Variants in PTPRQ observed in about 807,000 individuals in gnomAD.
PTPRQ encodes protein tyrosine phosphatase receptor type Q.
Under a neutral mutation model 246.0 loss-of-function variants are expected in PTPRQ, and 199 were observed. The ratio of observed to expected loss-of-function variants is 0.81; its 90% CI spans 0.72 to 0.91. The LOEUF (loss-of-function observed/expected upper bound fraction) is 0.91, where lower values mean the gene tolerates loss of function less well. PTPRQ is among the 40% of genes least tolerant of loss of function. The pLI is 0.00. For missense variants in PTPRQ, 2,624 were observed against 2,528.4 expected (o/e 1.04, Z -0.81); for synonymous variants, 869 against 853.2 (o/e 1.02, Z -0.32).
chr12:80,491,571 T>C (rs1894450492), intron 9 of PTPRQ, among the ~76,000 whole-genome samples: 1 of 152,006 alleles, frequency 6.6e-6, no homozygotes, highest in Non-Finnish European at 1.5e-5. Flanking sequence ...TTGCTTTTCA[T>C]GACAGCACTT....
At chr12:80,548,679 T>A (rs1396360133) in intron 24 of PTPRQ, among the ~76,000 whole-genome samples, 1 of 152,144 alleles carries the variant, frequency 6.6e-6, no homozygotes, top group Non-Finnish European at 1.5e-5. Context: ...CCAATTTTTC[T>A]TCTACCATTA....
chr12:80,484,877 A>G (rs1373017087), intron 9 of PTPRQ, among the ~76,000 whole-genome samples: 1 of 152,084 alleles, frequency 6.6e-6, no homozygotes, highest in Non-Finnish European at 1.5e-5. Context: ...AGTTAATATT[A>G]TTTTTCTAAA....
At chr12:80,461,331 T>C (rs1326575076) in intron 6 of PTPRQ, among the ~76,000 whole-genome samples, 2 of 152,144 alleles carry the variant, frequency 1.3e-5, no homozygotes, top group Non-Finnish European at 2.9e-5. Flanking sequence ...GTAGCTAAAA[T>C]ATATACCTAC....
At chr12:80,524,717 T>A (rs1010818458) in intron 17 of PTPRQ, among the ~76,000 whole-genome samples, 1 of 152,130 alleles carries the variant, frequency 6.6e-6, no homozygotes, top group African/African-American at 2.4e-5. Context: ...TTTTTTCTTT[T>A]TTCAAAAATA....
At chr12:80,590,586 T>A (rs570915740) in intron 26 of PTPRQ, among the ~76,000 whole-genome samples, 29 of 141,650 alleles carry the variant, frequency 2.0e-4, no homozygotes, top group Non-Finnish European at 4.5e-5. Flanking sequence ...GAGAATGGCA[T>A]GAACCCGGAA....
chr12:80,499,875 T>C (rs1017273035), intron 14 of PTPRQ, among the ~76,000 whole-genome samples: 1 of 151,934 alleles, frequency 6.6e-6, no homozygotes, highest in Non-Finnish European at 1.5e-5. Flanking sequence ...ACTTAGGGTG[T>C]AATAATCATA....
chr12:80,591,922 C>G (rs902011407), intron 26 of PTPRQ, among the ~76,000 whole-genome samples: 3 of 152,164 alleles, frequency 2.0e-5, no homozygotes, highest in African/African-American at 7.2e-5. Context: ...TGCAAGCACA[C>G]TTGACACTAT....
chr12:80,581,160 G>T (rs1293469184), intron 25 of PTPRQ, among the ~76,000 whole-genome samples: 1 of 152,144 alleles, frequency 6.6e-6, no homozygotes, highest in Non-Finnish European at 1.5e-5. Context: ...TCATTAGCTA[G>T]TGAATATTTC....
At chr12:80,499,273 T>G (rs1446029789) in intron 14 of PTPRQ, among the ~76,000 whole-genome samples, 3 of 152,064 alleles carry the variant, frequency 2.0e-5, no homozygotes, top group African/African-American at 7.2e-5. Context: ...AATGCCCATC[T>G]TCCTAATATC....
chr12:80,669,248 A>G, intron 40 of PTPRQ, 91 bp from the exon 41 acceptor site: 1 of 1,528,448 alleles, frequency 6.5e-7, no homozygotes, highest in Non-Finnish European at 8.8e-7. Context: ...GACATCTATA[A>G]AGTAATTTTA....
chr12:80,506,791 C>A, intron 16 of PTPRQ, 121 bp downstream of exon 16: 2 of 691,620 alleles, frequency 2.9e-6, no homozygotes, highest in Non-Finnish European at 4.4e-6. Flanking sequence ...ACCATACCAG[C>A]GTTATACAGA....
intron 26 of PTPRQ, among the ~76,000 whole-genome samples, chr12:80,595,626 A>G (rs1003355729): frequency 1.3e-5 from 2 of 151,886 alleles, no homozygotes; most frequent in Non-Finnish European, 2.9e-5. Flanking sequence ...CAGGTTAGTT[A>G]CATATGTATA....
rs1896099416 is a variant in PTPRQ at position 80,539,870 on chromosome 12, G to T, written c.3080G>T (p.Trp1027Leu). The part of the protein sequence containing the change: ...KLTIFSYYTF[W>L]LTASTSVGNG... ...ACAATATTCAGCTACTATACATTTT[G>T]GTTAACAGCAAGTACTTCAGTTGGA... is the stretch of plus-strand genomic sequence containing the variant. Residue 1027 changes from tryptophan to leucine, a missense_variant, in exon 20 of 45, where the codon TGG becomes TTG. Transcript: ENST00000644991. The T allele has an allele frequency of 6.5e-7, 1 of 1,549,138 alleles. No homozygotes were observed. Among genetic ancestry groups the T allele is most frequent in the Non-Finnish European group, 8.7e-7 (1 of 1,145,740 alleles).
Position 80,484,429 on chromosome 12 carries a change from T to C in PTPRQ, c.1187-4T>C. On this transcript the variant is annotated splice_polypyrimidine_tract_variant and splice_region_variant and intron_variant, in intron 8 of 44. Coordinates refer to ENST00000644991, the MANE Select transcript of PTPRQ (RefSeq NM_001145026.2). ...TTTCTTTTCTTTCTTTCTTTCTTTC[T>C]TAGTTCCAGGGGCAGTGTTTGATTT... 1.3e-6 allele frequency: 2 copies of C among 1,524,422 alleles called. No homozygotes were observed. The highest frequency in any genetic ancestry group is 1.8e-6 in the Non-Finnish European group (2 of 1,138,236). 94.4% of individuals were successfully genotyped at this position (1,524,422 alleles called of 1,614,324 possible). A position where few individuals can be genotyped will look rare whatever the true frequency, so the allele number is the denominator to read the frequency against.
At chr12:80,478,463 A>C (rs1221350867) in intron 8 of PTPRQ, among the ~76,000 whole-genome samples, 1 of 152,100 alleles carries the variant, frequency 6.6e-6, no homozygotes, top group Non-Finnish European at 1.5e-5. Flanking sequence ...AACTCTAAAA[A>C]GCAGAGCGCC....
chr12:80,641,489 A>T (rs1899853075), intron 35 of PTPRQ, among the ~76,000 whole-genome samples: 2 of 152,218 alleles, frequency 1.3e-5, no homozygotes, highest in Non-Finnish European at 2.9e-5. Flanking sequence ...AAAATCAAGG[A>T]AGCCCGGTCT....
At chr12:80,569,416 C>T (rs888374214) in intron 25 of PTPRQ, among the ~76,000 whole-genome samples, 196 of 146,854 alleles carry the variant, frequency 1.3e-3, no homozygotes, top group African/African-American at 4.6e-3. Flanking sequence ...GGAGGGATAG[C>T]ATTGGGAGAT....
chr12:80,604,084 G>A (rs1898230785), intron 26 of PTPRQ, among the ~76,000 whole-genome samples: 1 of 151,466 alleles, frequency 6.6e-6, no homozygotes, highest in South Asian at 2.1e-4. Context: ...AGTTATTTGA[G>A]GAAAGGAATA....
At chr12:80,473,074 CACAG>C (rs1343360027) in intron 8 of PTPRQ, among the ~76,000 whole-genome samples, 4 of 151,610 alleles carry the variant, frequency 2.6e-5, no homozygotes, top group Non-Finnish European at 5.9e-5. Context: ...CACACACACA[CACAG>C]GTCATACATT....
Sources: allele counts gnomAD v4.1 joint callset (sites outside exome capture counted in the v4.1 genomes callset), GRCh38; gene constraint gnomAD v4.1.1; transcripts MANE v1.5; gene names NCBI Gene and HGNC (gene_info 2026-07-23, HGNC 2026-07-21).